The following STK4 variants were observed in gnomAD, a reference collection of about 807,000 sequenced individuals.
STK4 encodes serine/threonine kinase 4.
A neutral mutation model predicts 64.9 loss-of-function variants in STK4; 30 were observed. That is an observed-to-expected ratio of 0.46 (90% CI 0.35 to 0.63). The LOEUF (loss-of-function observed/expected upper bound fraction) is 0.63. STK4 is among the 20% of genes least tolerant of loss of function. The probability of loss-of-function intolerance (pLI) is 0.01; values close to 1 mark genes in which losing one functional copy is unlikely to be tolerated. For missense variants in STK4, 466 were observed against 598.5 expected, an observed-to-expected ratio of 0.78 and a Z score of 2.31; for synonymous variants, 177 against 199.0, an observed-to-expected ratio of 0.89 and a Z score of 0.93.
chr20:44,973,469 C>T (rs981550849), intron 2 of STK4: 2 of 152,232 alleles, frequency 1.3e-5, no homozygotes, highest in African/African-American at 4.8e-5. Flanking sequence ...CATCTGTTGC[C>T]TGCCATTTTC....
chr20:45,052,863 A>C (rs1032309815), intron 10 of STK4, among the ~76,000 whole-genome samples: 4 of 152,242 alleles, frequency 2.6e-5, no homozygotes. Flanking sequence ...GTGAATGCCC[A>C]GTAGCTAGCC....
chr20:45,015,203 T>G (rs2068119150), intron 9 of STK4, among the ~76,000 whole-genome samples: 1 of 152,214 alleles, frequency 6.6e-6, no homozygotes, highest in African/African-American at 2.4e-5. Context: ...TAGGCTGTTG[T>G]CAAAATGATT....
intron 5 of STK4, among the ~76,000 whole-genome samples, chr20:44,993,835 C>T (rs959494516): frequency 1.3e-5 from 2 of 152,062 alleles, no homozygotes; most frequent in East Asian, 1.9e-4. Flanking sequence ...AAAAATTAGT[C>T]GGGCATGATG....
intron 2 of STK4, chr20:44,972,408 C>A: frequency 2.9e-6 from 1 of 343,584 alleles, no homozygotes; most frequent in Non-Finnish European, 5.2e-6. Context: ...ATCTACTTAA[C>A]AGATAGCACT....
At chr20:45,024,913 A>T (rs2068316268) in intron 9 of STK4, 60 bp from the exon 10 acceptor site, 1 of 1,444,214 alleles carries the variant, frequency 6.9e-7, no homozygotes, top group Non-Finnish European at 9.1e-7. Flanking sequence ...ATGTCTATTT[A>T]TTAAACTTAC....
chr20:44,999,634 T>A (rs1215671126), intron 7 of STK4, among the ~76,000 whole-genome samples: 3 of 152,250 alleles, frequency 2.0e-5, no homozygotes, highest in Non-Finnish European at 4.4e-5. Flanking sequence ...GCAAATTTTA[T>A]TAATGAAATT....
intron 5 of STK4, among the ~76,000 whole-genome samples, chr20:44,989,353 A>G (rs1192379711): frequency 6.6e-6 from 1 of 152,148 alleles, no homozygotes; most frequent in Non-Finnish European, 1.5e-5. Context: ...CATTTTACTA[A>G]TGACTAGTGA....
intron 10 of STK4, among the ~76,000 whole-genome samples, chr20:45,074,773 C>A (rs1385836385): frequency 6.6e-6 from 1 of 152,126 alleles, no homozygotes; most frequent in Non-Finnish European, 1.5e-5. Context: ...GGTCAAGGCA[C>A]ATTAAATCAA....
chr20:45,017,927 G>A (rs917365293), intron 9 of STK4, among the ~76,000 whole-genome samples: 2 of 152,124 alleles, frequency 1.3e-5, no homozygotes, highest in Non-Finnish European at 2.9e-5. Flanking sequence ...GTTATTCTGG[G>A]CTCCAGGGAA....
intron 5 of STK4, among the ~76,000 whole-genome samples, chr20:44,988,533 G>GTGTGTGTGTGTGTGTATA (rs1221720136): frequency 6.1e-4 from 62 of 101,564 alleles, no homozygotes; most frequent in African/African-American, 2.9e-3. Flanking sequence ...ATGTGTGTGT[G>GTGTGTGTGTGTGTGTATA]TATATATATA....
chr20:45,067,390 G>A (rs1979669099), intron 10 of STK4, among the ~76,000 whole-genome samples: 1 of 152,200 alleles, frequency 6.6e-6, no homozygotes, highest in East Asian at 1.9e-4. Context: ...GATACATATG[G>A]AATTGAAACT....
intron 10 of STK4, among the ~76,000 whole-genome samples, chr20:45,066,137 T>G (rs755212431): frequency 7.2e-5 from 11 of 151,836 alleles, no homozygotes; most frequent in Non-Finnish European, 1.3e-4. Flanking sequence ...TATGTGTATA[T>G]ATATACACAC....
chr20:45,059,930 A>C (rs373415968), intron 10 of STK4, among the ~76,000 whole-genome samples: 4 of 152,358 alleles, frequency 2.6e-5, no homozygotes, highest in Admixed American at 6.5e-5. Context: ...TATTGATTAC[A>C]TACTTTCAAA....
rs886450550 is a variant in STK4 at position 45,043,897 on chromosome 20, T to C, written c.1305+18767T>C. Among the ~76,000 whole-genome samples the C allele has an allele frequency of 8.0e-4, 122 of 152,258 alleles. 3 individuals carry two copies. The highest frequency in any genetic ancestry group is 4.4e-5 in the Non-Finnish European group (3 of 68,010). On this transcript the variant is annotated intron_variant, in intron 10 of 10. Transcript: ENST00000372806. ...CTTGAAACATTGTCCATGGAGTAAA[T>C]TTCACTACCTAAACTTTTCCCCCAG...
At chr20:45,053,210 C>G in intron 10 of STK4, 1 of 1,566,838 alleles carries the variant, frequency 6.4e-7, no homozygotes, top group South Asian at 1.1e-5. Flanking sequence ...GTCTCAGAAC[C>G]ACAGTAGCCT....
intron 9 of STK4, among the ~76,000 whole-genome samples, chr20:45,024,080 T>G (rs932822863): frequency 7.2e-5 from 11 of 151,876 alleles, no homozygotes; most frequent in Non-Finnish European, 1.2e-4. Context: ...TTTTGTATTT[T>G]TAATAGAGAT....
chr20:45,023,543 C>T (rs972935172), intron 9 of STK4, among the ~76,000 whole-genome samples: 2 of 152,140 alleles, frequency 1.3e-5, no homozygotes, highest in Non-Finnish European at 2.9e-5. Flanking sequence ...CCCCTATGTT[C>T]ATGGAAAGCA....
At chr20:44,988,533 G>GTGTATATATATATATATATA (rs1221720136) in intron 5 of STK4, among the ~76,000 whole-genome samples, 32 of 101,566 alleles carry the variant, frequency 3.2e-4, no homozygotes, top group African/African-American at 1.2e-3. Flanking sequence ...ATGTGTGTGT[G>GTGTATATATATATATATATA]TATATATATA....
intron 9 of STK4, among the ~76,000 whole-genome samples, chr20:45,008,347 G>A (rs1601255472): frequency 1.3e-5 from 2 of 152,256 alleles, no homozygotes; most frequent in South Asian, 4.2e-4. Flanking sequence ...TAGCCACTGC[G>A]CCTGGCCTAA....
Sources: allele counts gnomAD v4.1 joint callset (sites outside exome capture counted in the v4.1 genomes callset), GRCh38; gene constraint gnomAD v4.1.1; transcripts MANE v1.5; gene names NCBI Gene and HGNC (gene_info 2026-07-23, HGNC 2026-07-21).